HIRIP3: variants seen among roughly 807,000 people sequenced by gnomAD.
HIRIP3 encodes HIRA interacting protein 3.
HIRIP3 carries 40 observed loss-of-function variants against 50.3 expected under a neutral mutation model. The ratio of observed to expected loss-of-function variants is 0.79; its 90% CI spans 0.62 to 1.03. HIRIP3 has a LOEUF of 1.03. Among genes scored for constraint, HIRIP3 ranks in the 50% least tolerant of loss-of-function variants. The probability of loss-of-function intolerance (pLI) is 0.00; values close to 1 mark genes in which losing one functional copy is unlikely to be tolerated. For missense variants in HIRIP3, 765 were observed against 705.4 expected (o/e 1.08, Z -0.96); for synonymous variants, 318 against 261.6 (o/e 1.22, Z -2.08).
Position 29,994,179 on chromosome 16 carries a change from C to G in HIRIP3, c.966G>C (p.Gln322His). 1 of 1,614,186 alleles carries G rather than the reference C, an allele frequency of 6.2e-7. No homozygotes were observed. Among genetic ancestry groups the G allele is most frequent in the Non-Finnish European group, 8.5e-7 (1 of 1,180,026 alleles). Residue 322 changes from glutamine to histidine, a missense_variant, in exon 4 of 7, where the codon CAG becomes CAC. Gln to His is a conservative substitution (Grantham distance 24). Coordinates refer to ENST00000279392, the MANE Select transcript of HIRIP3 (RefSeq NM_003609.5). ...CACTCAACCTCTTCCCACCCTTAAG[C>G]TGGGTCCTGTCCTCACTCTTCCTCT... ...PVQRKSEDRT[Q>H]LKGGKRLSGS... is the part of the protein sequence containing the mutation.
Position 29,994,593 on chromosome 16 carries a change from C to T in HIRIP3, c.552G>A (p.Lys184=), listed in dbSNP as rs759453326. Residue 184 remains lysine, a synonymous_variant, in exon 4 of 7, where the codon AAG becomes AAA. Transcript: ENST00000279392. ...KPVVKKQAPG[K]ASVSRKQARE... is the part of the protein sequence containing the mutation. Reference sequence around the variant, plus strand: ...TGGCCTGCTTCCTACTGACTGAGGCCTTGCCTGGTGCCTGCTTCTTTACCA... The same window carrying T: ...TGGCCTGCTTCCTACTGACTGAGGCTTTGCCTGGTGCCTGCTTCTTTACCA... 6.2e-7 allele frequency: 1 copy of T among 1,614,200 alleles called. No homozygotes were observed. The highest frequency in any genetic ancestry group is 1.7e-5 in the Admixed American group (1 of 60,024).
Position 29,994,523 on chromosome 16 carries a change from C to T in HIRIP3, c.622G>A (p.Ala208Thr). 6.2e-7 allele frequency: 1 copy of T among 1,614,208 alleles called. No homozygotes were observed. The highest frequency in any genetic ancestry group is 1.1e-5 in the South Asian group (1 of 91,082). Residue 208 changes from alanine to threonine, a missense_variant, in exon 4 of 7, where the codon GCA becomes ACA. Physicochemically the swap from Ala to Thr is moderately conservative, Grantham distance 58. Transcript: ENST00000279392. ...CCTTTATTTCCCTCCACCTTCTTTG[C>T]TGTCCTCTGAACGGGTTCTGCCTCG... ...ESEAEPVQRT[A>T]KKVEGNKGTK...
upstream of HIRIP3, chr16:29,995,619 G>C (rs200825231): frequency 4.5e-5 from 73 of 1,611,918 alleles, 1 homozygote; most frequent in East Asian, 1.6e-3. Context: ...GCTCAACCCG[G>C]GATTGACGGC....
In HIRIP3 at chr16:29,993,470, A is replaced by T. The variant is rs2070012115; in HGVS notation, c.1496T>A (p.Ile499Asn). 1.2e-6 allele frequency: 2 copies of T among 1,613,068 alleles called. No individual in the cohort carries two copies. The highest frequency in any genetic ancestry group is 2.2e-5 in the South Asian group (2 of 91,036). The change falls in exon 6 of 7, where the codon ATC (isoleucine) becomes AAC (asparagine). Residue 499 changes from isoleucine (I) to asparagine (N), a missense_variant. By Grantham distance (149) the Ile-to-Asn change is moderately radical. Coordinates refer to ENST00000279392, the MANE Select transcript of HIRIP3 (RefSeq NM_003609.5). ...EVASLDVANI[I>N]SGSGRPRRRT... is the part of the protein sequence containing the mutation. ...AGGAAACCCCTTACCCGAGCCACTG[A>T]TGATGTTCGCAACATCCAAGGAGGC...
At position 29,993,349 on chromosome 16, in the gene HIRIP3, G is replaced by A; in HGVS notation, c.1529C>T (p.Ala510Val). The change falls in exon 7 of 7, where the codon GCC becomes GTC. Residue 510 changes from alanine to valine, a missense_variant. Coordinates refer to ENST00000279392, the MANE Select transcript of HIRIP3 (RefSeq NM_003609.5). ...TGCTGCTTCTCCTAAAGGGTTCCAG[G>A]CTGTACGTCTGCGTGGCCGGCCTAG... ...SGSGRPRRRT[A>V]WNPLGEAAPP... The A allele has an allele frequency of 6.4e-7, 1 of 1,550,936 alleles. No individual in the cohort carries two copies. Among genetic ancestry groups the A allele is most frequent in the Non-Finnish European group, 8.7e-7 (1 of 1,144,902 alleles).
upstream of HIRIP3, chr16:29,995,656 C>G (rs745340206): frequency 6.3e-7 from 1 of 1,598,160 alleles, no homozygotes; most frequent in Non-Finnish European, 8.5e-7. Context: ...TCTCGGCCTC[C>G]GTCAGCGCGT....
chr16:29,992,794 AGGCG>A lies in HIRIP3; in HGVS notation c.*409_*412del, dbSNP rs1327977975. 6.2e-6 allele frequency: 1 copy of A among 161,094 alleles called. No individual in the cohort carries two copies. Among genetic ancestry groups the A allele is most frequent in the African/African-American group, 2.4e-5 (1 of 41,780 alleles). The allele number at this position is 161,094 out of a possible 1,614,324, so 10.0% of individuals were successfully genotyped here. A position where few individuals can be genotyped will look rare whatever the true frequency, so the allele number is the denominator to read the frequency against. Reference sequence around the variant, plus strand: ...GCTAAAAGCAGAGGGGCCACGGGGTAGGCGGGCAGCACAGGAGCCACACACCCTT... The same window carrying A: ...GCTAAAAGCAGAGGGGCCACGGGGTAGGCAGCACAGGAGCCACACACCCTT... On this transcript the variant is annotated 3_prime_UTR_variant, in exon 7 of 7. Transcript: ENST00000279392.
intron 3 of HIRIP3, 81 bp downstream of exon 3, chr16:29,995,022 G>C: frequency 6.6e-7 from 1 of 1,505,400 alleles, no homozygotes; most frequent in Non-Finnish European, 9.2e-7. Context: ...TAACGCCTGG[G>C]GACATAAGAG....
At chr16:29,993,425 A>G in intron 6 of HIRIP3, 34 bp downstream of exon 6, 2 of 1,594,874 alleles carry the variant, frequency 1.3e-6, no homozygotes, top group Non-Finnish European at 1.7e-6. Context: ...AACCCCACCT[A>G]TCTGCTCCTG....
At position 29,993,757 on chromosome 16, in the gene HIRIP3, G is replaced by A. The variant is rs753859926; in HGVS notation, c.1291C>T (p.Arg431Cys). Reference sequence around the variant, plus strand: ...TGGGCACCACAGGCCCGAATGTAGCGCTTCAGCCTCATCACAGCCGGGTGG... The same window carrying A: ...TGGGCACCACAGGCCCGAATGTAGCACTTCAGCCTCATCACAGCCGGGTGG... The part of the protein sequence containing the change: ...EDHPAVMRLK[R>C]YIRACGAHRN... Residue 431 changes from arginine (R) to cysteine (C), a missense_variant, in exon 5 of 7, where the codon CGC becomes TGC. Physicochemically the swap from Arg to Cys is radical, Grantham distance 180. Transcript: ENST00000279392. The A allele has an allele frequency of 2.2e-5, 35 of 1,609,788 alleles. No individual in the cohort carries two copies. Among genetic ancestry groups the A allele is most frequent in the African/African-American group, 9.3e-5 (7 of 74,930 alleles).
chr16:29,994,471 T>C lies in HIRIP3; in HGVS notation c.674A>G (p.Gln225Arg). ...GGCTAGGATCTCCTCTTCACTCTCC[T>C]GTTCACTTTCCTTCAGGCTTTTAGT... is the stretch of plus-strand genomic sequence containing the variant. ...KGTKSLKESE[Q>R]ESEEEILAQK... The change falls in exon 4 of 7, where the codon CAG (glutamine) becomes CGG (arginine). Residue 225 changes from glutamine to arginine, a missense_variant. Physicochemically the swap from Gln to Arg is conservative, Grantham distance 43 (BLOSUM62 1). Transcript: ENST00000279392. 1.9e-6 allele frequency: 3 copies of C among 1,614,142 alleles called. No individual in the cohort carries two copies. The highest frequency in any genetic ancestry group is 1.1e-5 in the South Asian group (1 of 91,074).
chr16:29,993,861 C>A, intron 4 of HIRIP3, 45 bp downstream of exon 4: 2 of 1,606,110 alleles, frequency 1.2e-6, no homozygotes, highest in Non-Finnish European at 1.7e-6. Flanking sequence ...GAGGCAGGGT[C>A]TCCCTCTTCC....
In HIRIP3 at chr16:29,994,508, C is replaced by T. The variant is rs1596653739; in HGVS notation, c.637G>A (p.Gly213Arg). ...PVQRTAKKVE[G>R]NKGTKSLKES... is the part of the protein sequence containing the mutation. ...TTCAGGCTTTTAGTTCCTTTATTTC[C>T]CTCCACCTTCTTTGCTGTCCTCTGA... The change falls in exon 4 of 7, where the codon GGA (glycine) becomes AGA (arginine). Residue 213 changes from glycine to arginine, a missense_variant. By Grantham distance (125) the Gly-to-Arg change is moderately radical. Transcript: ENST00000279392. 3.1e-6 allele frequency: 5 copies of T among 1,614,132 alleles called. No homozygotes were observed. The highest frequency in any genetic ancestry group is 4.2e-6 in the Non-Finnish European group (5 of 1,180,028).
In HIRIP3 at chr16:29,995,227, C is replaced by G. The variant is rs576384905; in HGVS notation, c.187-10G>C. The G allele has an allele frequency of 6.2e-7, 1 of 1,614,040 alleles. No individual in the cohort carries two copies. Among genetic ancestry groups the G allele is most frequent in the Non-Finnish European group, 8.5e-7 (1 of 1,179,982 alleles). On this transcript the variant is annotated splice_polypyrimidine_tract_variant and intron_variant, in intron 2 of 6. Coordinates refer to ENST00000279392, the MANE Select transcript of HIRIP3 (RefSeq NM_003609.5). ...AAGCGGCTTCATCCACCTGTGTGTG[C>G]GCCAAGAGGGCAAACTATGCACCAA...
upstream of HIRIP3, chr16:29,995,754 C>G: frequency 1.1e-6 from 1 of 921,046 alleles, no homozygotes; most frequent in Non-Finnish European, 1.6e-6. Context: ...GGGCCGAGAA[C>G]TTTGCCAGAC....
chr16:29,995,644 C>T (rs755898184), upstream of HIRIP3: 3 of 1,607,072 alleles, frequency 1.9e-6, no homozygotes, highest in Non-Finnish European at 1.7e-6. Flanking sequence ...GCCTTTTTTT[C>T]TTCTCGGCCT....
At position 29,995,142 on chromosome 16, in the gene HIRIP3, C is replaced by G. The variant is rs145562651; in HGVS notation, c.262G>C (p.Asp88His). Residue 88 changes from aspartate to histidine, a missense_variant, in exon 3 of 7, where the codon GAC (aspartate) becomes CAC (histidine). By Grantham distance (81) the Asp-to-His change is moderately conservative (BLOSUM62 -1). Coordinates refer to ENST00000279392, the MANE Select transcript of HIRIP3 (RefSeq NM_003609.5). ...AAGCGGAACCTTTTTCTCTCCGGGTCGCTACAAGGGGTGGGAGGCCTCTTG... is the reference window on the plus strand; with the variant it reads ...AAGCGGAACCTTTTTCTCTCCGGGTGGCTACAAGGGGTGGGAGGCCTCTTG... ...KGKRPPTPCS[D>H]PERKRFRFNS... is the part of the protein sequence containing the mutation. 1.7e-5 allele frequency: 28 copies of G among 1,614,104 alleles called. No individual in the cohort carries two copies. The highest frequency in any genetic ancestry group is 2.4e-5 in the Non-Finnish European group (28 of 1,180,042).
At position 29,993,767 on chromosome 16, in the gene HIRIP3, C is replaced by T. The variant is rs2070018461; in HGVS notation, c.1281G>A (p.Met427Ile). 2 of 1,610,702 alleles carry T rather than the reference C, an allele frequency of 1.2e-6. No individual in the cohort carries two copies. Among genetic ancestry groups the T allele is most frequent in the South Asian group, 1.1e-5 (1 of 91,090 alleles). ...AGGCCCGAATGTAGCGCTTCAGCCT[C>T]ATCACAGCCGGGTGGTCCTCTCCAC... Reference protein sequence around the residue: ...GRRGEDHPAVMRLKRYIRACG... With the variant: ...GRRGEDHPAVIRLKRYIRACG... Residue 427 changes from methionine to isoleucine, a missense_variant, in exon 5 of 7, where the codon ATG (methionine) becomes ATA (isoleucine). By Grantham distance (10) the Met-to-Ile change is conservative. Coordinates refer to ENST00000279392, the MANE Select transcript of HIRIP3 (RefSeq NM_003609.5).
rs1330945513 is a variant in HIRIP3, at chr16:29,993,279, C to T, written c.1599G>A (p.Glu533=). Residue 533 remains glutamate, a synonymous_variant, in exon 7 of 7, where the codon GAG becomes GAA. Transcript: ENST00000279392. ...LYRRTLDSDE[E]RPRPAPPDWS... ...AGTCTGGGGGTGCGGGACGGGGCCGCTCTTCATCTGAGTCCAGGGTCCGTC... is the reference window on the plus strand; with the variant it reads ...AGTCTGGGGGTGCGGGACGGGGCCGTTCTTCATCTGAGTCCAGGGTCCGTC... 1.6e-5 allele frequency: 25 copies of T among 1,551,112 alleles called. No individual in the cohort carries two copies. The highest frequency in any genetic ancestry group is 2.1e-5 in the Non-Finnish European group (24 of 1,147,780).
Sources: allele counts gnomAD v4.1 joint callset, GRCh38; gene constraint gnomAD v4.1.1; transcripts MANE v1.5; gene names NCBI Gene and HGNC (gene_info 2026-07-23, HGNC 2026-07-21).